Variants in FAM171B observed in about 807,000 individuals in gnomAD.
The protein encoded by FAM171B is protein FAM171B.
FAM171B carries 19 observed loss-of-function variants against 75.6 expected under a neutral mutation model. That is an observed-to-expected ratio of 0.25 (90% CI 0.18 to 0.37). FAM171B has a LOEUF of 0.37. Ranked by LOEUF, FAM171B falls within the 10% of genes least tolerant of loss-of-function variation. The pLI is 1.00. For missense variants in FAM171B, 848 were observed against 982.4 expected (o/e 0.86, Z 1.83); for synonymous variants, 367 against 361.7 (o/e 1.01, Z -0.17).
At chr2:186,714,664 GA>G (rs1432515833) in intron 1 of FAM171B, among the ~76,000 whole-genome samples, 1 of 152,168 alleles carries the variant, frequency 6.6e-6, no homozygotes, top group African/African-American at 2.4e-5. Flanking sequence ...GGTTGTAACT[GA>G]AAATAAAAGA....
chr2:186,703,715 A>G (rs942035715), intron 1 of FAM171B, among the ~76,000 whole-genome samples: 3 of 152,202 alleles, frequency 2.0e-5, no homozygotes, highest in South Asian at 2.1e-4. Context: ...ATGGCTCAGT[A>G]TAATTAAATG....
chr2:186,729,306 G>A (rs984543458), intron 1 of FAM171B, among the ~76,000 whole-genome samples: 18 of 152,058 alleles, frequency 1.2e-4, no homozygotes, highest in African/African-American at 3.6e-4. Context: ...ATAATTAAGT[G>A]ACAGAGAAAA....
At position 186,725,315 on chromosome 2, in the gene FAM171B, A is replaced by G. The variant is rs2595397; in HGVS notation, c.239-14913A>G. On this transcript the variant is annotated intron_variant, in intron 1 of 7. Coordinates refer to ENST00000304698, the MANE Select transcript of FAM171B (RefSeq NM_177454.4). ...GCCGAGACCACGCCACTGCACTCCA[A>G]CCTGGGCGACAGAGCGAGACTCTGT... Among the ~76,000 whole-genome samples the G allele has an allele frequency of 9.7e-3, 1,430 of 148,162 alleles. 23 individuals carry two copies. Among genetic ancestry groups the G allele is most frequent in the African/African-American group, 0.034 (1,352 of 40,122 alleles).
chr2:186,720,944 G>T (rs1377507900), intron 1 of FAM171B, among the ~76,000 whole-genome samples: 3 of 152,106 alleles, frequency 2.0e-5, no homozygotes, highest in Non-Finnish European at 2.9e-5. Flanking sequence ...CTGATTCTCT[G>T]GGGTGCTTGT....
intron 6 of FAM171B, among the ~76,000 whole-genome samples, chr2:186,760,010 C>A (rs1171110704): frequency 6.6e-6 from 1 of 152,056 alleles, no homozygotes; most frequent in Non-Finnish European, 1.5e-5. Context: ...ATAAGGATAT[C>A]CAGTTTTCCC....
chr2:186,750,770 A>G, intron 4 of FAM171B, among the ~76,000 whole-genome samples: 1 of 152,190 alleles, frequency 6.6e-6, no homozygotes, highest in East Asian at 1.9e-4. Context: ...TCAAATCTAC[A>G]TCTGCATTGA....
chr2:186,703,697 G>A (rs1689697633), intron 1 of FAM171B, among the ~76,000 whole-genome samples: 1 of 152,048 alleles, frequency 6.6e-6, no homozygotes, highest in African/African-American at 2.4e-5. Context: ...AAATTAAGAT[G>A]TCAAATTATG....
At chr2:186,759,436 CTA>C (rs1407066733) in intron 6 of FAM171B, among the ~76,000 whole-genome samples, 2 of 152,072 alleles carry the variant, frequency 1.3e-5, no homozygotes, top group African/African-American at 4.8e-5. Context: ...TCCATAGTGA[CTA>C]TGTTAATTTA....
rs747232087 is a variant in FAM171B, at chr2:186,694,197, C to A, written c.24C>A (p.Val8=). The A allele has an allele frequency of 6.2e-7, 1 of 1,605,292 alleles. No individual in the cohort carries two copies. Among genetic ancestry groups the A allele is most frequent in the Admixed American group, 1.7e-5 (1 of 59,942 alleles). The part of the protein sequence containing the change: MARLCRR[V]PCTLLLGLAV... ...CCATGGCGAGGCTCTGCCGGCGTGTCCCCTGCACCCTGCTTCTCGGCCTGG... is the reference window on the plus strand; with the variant it reads ...CCATGGCGAGGCTCTGCCGGCGTGTACCCTGCACCCTGCTTCTCGGCCTGG... The change falls in exon 1 of 8, where the codon GTC becomes GTA. Residue 8 remains valine, a synonymous_variant. Transcript: ENST00000304698.
At chr2:186,755,554 A>G (rs1690520763) in intron 6 of FAM171B, among the ~76,000 whole-genome samples, 1 of 152,216 alleles carries the variant, frequency 6.6e-6, no homozygotes, top group Non-Finnish European at 1.5e-5. Context: ...GATCCAGAAC[A>G]TGGATGACAT....
In FAM171B at chr2:186,761,546, C is replaced by A. The variant is rs1291363390; in HGVS notation, c.1204C>A (p.Gln402Lys). ...ITKLEVLKRDQTTSTTHINHI... is the reference protein window; with the variant it reads ...ITKLEVLKRDKTTSTTHINHI... ...TAAACTTGAGGTCCTCAAGAGAGAC[C>A]AGACAACTTCAACAACACACATAAA... The change falls in exon 8 of 8, where the codon CAG (glutamine) becomes AAG (lysine). Residue 402 changes from glutamine (Q) to lysine (K), a missense_variant. Gln to Lys is a moderately conservative substitution (Grantham distance 53, BLOSUM62 1). Coordinates refer to ENST00000304698, the MANE Select transcript of FAM171B (RefSeq NM_177454.4). 2 of 1,607,670 alleles carry A rather than the reference C, an allele frequency of 1.2e-6. No homozygotes were observed. Among genetic ancestry groups the A allele is most frequent in the South Asian group, 2.2e-5 (2 of 88,930 alleles).
At chr2:186,715,934 G>A (rs960323856) in intron 1 of FAM171B, among the ~76,000 whole-genome samples, 1 of 152,018 alleles carries the variant, frequency 6.6e-6, no homozygotes, top group African/African-American at 2.4e-5. Flanking sequence ...GATATGTAAT[G>A]GGTACCCATG....
intron 6 of FAM171B, among the ~76,000 whole-genome samples, chr2:186,755,710 T>A (rs762168558): frequency 2.2e-4 from 34 of 152,216 alleles, no homozygotes; most frequent in Non-Finnish European, 3.5e-4. Context: ...TTTTCTTTTT[T>A]GATTGGGTCT....
chr2:186,761,824 T>C lies in FAM171B; in HGVS notation c.1482T>C (p.Pro494=). 6.2e-7 allele frequency: 1 copy of C among 1,613,150 alleles called. No individual in the cohort carries two copies. The highest frequency in any genetic ancestry group is 1.1e-5 in the South Asian group (1 of 91,070). Residue 494 remains proline (P), a synonymous_variant, in exon 8 of 8, where the codon CCT becomes CCC. Transcript: ENST00000304698. ...AGCCCAATGTAGGGTCCAAACAACC[T>C]AAACATATTAACAACAATCTATCTT... ...SLEPNVGSKQ[P]KHINNNLSSS... is the part of the protein sequence containing the mutation.
At chr2:186,711,701 A>T (rs966731975) in intron 1 of FAM171B, among the ~76,000 whole-genome samples, 6 of 152,172 alleles carry the variant, frequency 3.9e-5, no homozygotes, top group African/African-American at 1.4e-4. Flanking sequence ...ACTTTAAACC[A>T]AAAGTCTTAA....
At chr2:186,735,097 G>C (rs1250731320) in intron 1 of FAM171B, among the ~76,000 whole-genome samples, 1 of 152,182 alleles carries the variant, frequency 6.6e-6, no homozygotes, top group Admixed American at 6.5e-5. Flanking sequence ...AACTCGGTAG[G>C]GGCAGGGCTC....
chr2:186,715,316 C>G (rs1226525724), intron 1 of FAM171B, among the ~76,000 whole-genome samples: 1 of 152,150 alleles, frequency 6.6e-6, no homozygotes, highest in Non-Finnish European at 1.5e-5. Flanking sequence ...CATCCTCTCA[C>G]CTCAGCTTCC....
intron 1 of FAM171B, among the ~76,000 whole-genome samples, chr2:186,731,371 A>AGGC (rs1690110719): frequency 6.6e-6 from 1 of 152,198 alleles, no homozygotes. Flanking sequence ...CACAATGGTA[A>AGGC]GGCCTCATAG....
chr2:186,707,844 A>ATTTTT (rs1559081568), intron 1 of FAM171B, among the ~76,000 whole-genome samples: 1 of 111,754 alleles, frequency 8.9e-6, no homozygotes. Flanking sequence ...TTTTTTTTAA[A>ATTTTT]AAAAAAAAAA....
Sources: allele counts gnomAD v4.1 joint callset (sites outside exome capture counted in the v4.1 genomes callset), GRCh38; gene constraint gnomAD v4.1.1; transcripts MANE v1.5; gene names NCBI Gene and HGNC (gene_info 2026-07-23, HGNC 2026-07-21).